ATG16L1: variants seen among roughly 807,000 people sequenced by gnomAD.
The protein encoded by ATG16L1 is autophagy related 16 like 1, also known as autophagy-related protein 16-1.
ATG16L1 carries 37 observed loss-of-function variants against 88.5 expected under a neutral mutation model. The observed-to-expected ratio is 0.42, with a 90% CI of 0.32 to 0.55. The LOEUF is 0.55. Ranked by LOEUF, ATG16L1 falls within the 20% of genes least tolerant of loss-of-function variation. The pLI is 0.13. For synonymous variants in ATG16L1, 301 were observed against 281.0 expected, an observed-to-expected ratio of 1.07 and a Z score of -0.71; for missense variants, 554 against 752.8, an observed-to-expected ratio of 0.74 and a Z score of 3.09.
At chr2:233,271,312 C>G (rs917530992) in intron 6 of ATG16L1, among the ~76,000 whole-genome samples, 3 of 152,166 alleles carry the variant, frequency 2.0e-5, no homozygotes, top group Non-Finnish European at 4.4e-5. Flanking sequence ...GAGTTTCACT[C>G]TTGTGGCCCA....
intron 12 of ATG16L1, among the ~76,000 whole-genome samples, chr2:233,288,380 C>T (rs1183034713): frequency 6.6e-6 from 1 of 152,166 alleles, no homozygotes; most frequent in Non-Finnish European, 1.5e-5. Context: ...CTTCTGGGCT[C>T]AAGCAGTCCT....
chr2:233,275,457 A>G (rs1698281868), intron 9 of ATG16L1: 1 of 346,790 alleles, frequency 2.9e-6, no homozygotes. Flanking sequence ...TGGCCTAATA[A>G]CTGGCAGCGG....
intron 2 of ATG16L1, among the ~76,000 whole-genome samples, chr2:233,259,282 C>G (rs1299255344): frequency 6.6e-6 from 1 of 152,086 alleles, no homozygotes; most frequent in Non-Finnish European, 1.5e-5. Flanking sequence ...TTTGTGGTTC[C>G]TCATAGGACA....
intron 12 of ATG16L1, among the ~76,000 whole-genome samples, chr2:233,286,022 CT>C (rs1368913186): frequency 6.6e-6 from 1 of 152,140 alleles, no homozygotes; most frequent in Non-Finnish European, 1.5e-5. Flanking sequence ...TAAGATTTGA[CT>C]TGAGAAACTT....
intron 1 of ATG16L1, 30 bp downstream of exon 1, chr2:233,251,972 G>C: frequency 6.7e-7 from 1 of 1,496,302 alleles, no homozygotes; most frequent in Non-Finnish European, 8.9e-7. Flanking sequence ...GCTGGGAGTG[G>C]GGCGGGCGGG....
intron 5 of ATG16L1, among the ~76,000 whole-genome samples, chr2:233,266,584 C>T (rs77441744): frequency 0.015 from 2,208 of 152,220 alleles, 56 homozygotes; most frequent in African/African-American, 0.05. Context: ...AGGAAAGAGT[C>T]TTTTAAAGGG....
intron 2 of ATG16L1, among the ~76,000 whole-genome samples, chr2:233,257,012 T>C (rs2125201320): frequency 8.4e-6 from 1 of 119,062 alleles, no homozygotes; most frequent in South Asian, 3.0e-4. Context: ...GCTTACAATT[T>C]TTTTTGTTTT....
intron 7 of ATG16L1, chr2:233,273,362 T>C: frequency 4.1e-6 from 2 of 491,184 alleles, no homozygotes; most frequent in East Asian, 3.4e-5. Context: ...TGTTTCATTC[T>C]TACTAGGGCT....
chr2:233,269,998 A>G lies in ATG16L1; in HGVS notation c.642-4A>G, dbSNP rs200483576. On this transcript the variant is annotated splice_region_variant and splice_polypyrimidine_tract_variant and intron_variant, in intron 5 of 17. Coordinates refer to ENST00000392017, the MANE Select transcript of ATG16L1 (RefSeq NM_030803.7). ...GTGGGCTTTTTTTTTTTTTTTCCCA[A>G]CAGGAGGCGGCAAGCCCGGCTGCAG... The G allele has an allele frequency of 3.7e-5, 58 of 1,570,598 alleles. No homozygotes were observed. The highest frequency in any genetic ancestry group is 2.0e-4 in the African/African-American group (14 of 71,576).
intron 17 of ATG16L1, 84 bp downstream of exon 17, chr2:233,293,441 C>T: frequency 7.7e-7 from 1 of 1,293,204 alleles, no homozygotes; most frequent in Non-Finnish European, 1.1e-6. Flanking sequence ...GTTTAGACCT[C>T]AGTCGGCGCT....
intron 8 of ATG16L1, 156 bp from the exon 9 acceptor site, chr2:233,274,520 T>G: frequency 1.8e-6 from 1 of 550,124 alleles, no homozygotes; most frequent in Non-Finnish European, 3.2e-6. Flanking sequence ...TTTGATTTTT[T>G]TGTGAATTGT....
chr2:233,264,831 G>A (rs1009973363), intron 4 of ATG16L1, 61 bp from the exon 5 acceptor site: 27 of 1,597,624 alleles, frequency 1.7e-5, no homozygotes, highest in Middle Eastern at 2.2e-4. Context: ...AGCCAGGTCC[G>A]TCTGGCTCTG....
intron 8 of ATG16L1, 181 bp downstream of exon 8, chr2:233,273,958 C>G: frequency 6.5e-7 from 1 of 1,549,294 alleles, no homozygotes; most frequent in Non-Finnish European, 8.7e-7. Context: ...CTCTTAATCT[C>G]GCTGCGTGCT....
chr2:233,265,584 C>G (rs145143881), intron 5 of ATG16L1, among the ~76,000 whole-genome samples: 1 of 152,198 alleles, frequency 6.6e-6, no homozygotes, highest in Admixed American at 6.5e-5. Context: ...ATTCTCCTGC[C>G]TCAGCCTCCT....
intron 12 of ATG16L1, among the ~76,000 whole-genome samples, chr2:233,289,408 T>TGTGAGAGAGA (rs144316394): frequency 0.019 from 2,814 of 149,618 alleles, 100 homozygotes; most frequent in African/African-American, 0.067. Context: ...TGTGTGTGTG[T>TGTGAGAGAGA]GACAGGATCT....
At chr2:233,293,177 T>C (rs1310231162) in intron 16 of ATG16L1, 79 bp from the exon 17 acceptor site, 1 of 1,266,362 alleles carries the variant, frequency 7.9e-7, no homozygotes, top group Non-Finnish European at 1.2e-6. Context: ...CAAACATTCC[T>C]TCTTGGGAAA....
intron 1 of ATG16L1, among the ~76,000 whole-genome samples, chr2:233,255,654 T>C (rs1696727930): frequency 6.6e-6 from 1 of 152,220 alleles, no homozygotes; most frequent in South Asian, 2.1e-4. Context: ...ACTTAACTCA[T>C]ATATCACCTC....
At chr2:233,291,210 AAC>A (rs1204422004) in intron 14 of ATG16L1, among the ~76,000 whole-genome samples, 5 of 152,148 alleles carry the variant, frequency 3.3e-5, no homozygotes, top group Non-Finnish European at 5.9e-5. Flanking sequence ...GATGCTTTGA[AAC>A]ACAGCATGGC....
chr2:233,272,632 GC>G (rs1698071470), intron 6 of ATG16L1, among the ~76,000 whole-genome samples: 1 of 152,304 alleles, frequency 6.6e-6, no homozygotes, highest in Admixed American at 6.5e-5. Context: ...TTGATGGAAT[GC>G]CCTACTTTGG....
Sources: allele counts gnomAD v4.1 joint callset (sites outside exome capture counted in the v4.1 genomes callset), GRCh38; gene constraint gnomAD v4.1.1; transcripts MANE v1.5; gene names NCBI Gene and HGNC (gene_info 2026-07-23, HGNC 2026-07-21).